The following SNX29 variants were observed in gnomAD, a reference collection of about 807,000 sequenced individuals.
SNX29 encodes the protein sorting nexin-29.
SNX29 carries 78 observed loss-of-function variants against 102.1 expected under a neutral mutation model. That is an observed-to-expected ratio of 0.76 (90% CI 0.64 to 0.92). The LOEUF (loss-of-function observed/expected upper bound fraction) is 0.92. SNX29 is among the 40% of genes least tolerant of loss of function. The pLI, the probability that SNX29 is intolerant of heterozygous loss-of-function variation, is 0.00. For synonymous variants in SNX29, 580 were observed against 414.5 expected, an observed-to-expected ratio of 1.40 and a Z score of -4.85; for missense variants, 1,280 against 1,061.7, an observed-to-expected ratio of 1.21 and a Z score of -2.86.
chr16:12,102,028 G>A (rs1159441936), intron 11 of SNX29, among the ~76,000 whole-genome samples: 1 of 152,042 alleles, frequency 6.6e-6, no homozygotes, highest in East Asian at 1.9e-4. Flanking sequence ...TTGGTCTTTT[G>A]TCCTTGTGAT....
chr16:11,990,371 C>A (rs1157958459), intron 1 of SNX29, among the ~76,000 whole-genome samples: 1 of 152,144 alleles, frequency 6.6e-6, no homozygotes, highest in African/African-American at 2.4e-5. Context: ...GAGAGGGGCA[C>A]CTGCTCTGTT....
chr16:12,550,133 G>A lies in SNX29; in HGVS notation c.2319-18373G>A, dbSNP rs145278607. ...AGGCTGATGTACACTCACATGTAAAGGGAATACCTTCCATACCGCATGTAG... is the reference window on the plus strand; with the variant it reads ...AGGCTGATGTACACTCACATGTAAAAGGAATACCTTCCATACCGCATGTAG... On this transcript the variant is annotated intron_variant, in intron 20 of 20. Transcript: ENST00000566228. 3.3e-5 allele frequency among the ~76,000 whole-genome samples: 5 copies of A among 152,298 alleles called. No homozygotes were observed. In the East Asian group the frequency reaches 9.6e-4, roughly 29 times the overall value.
intron 15 of SNX29, among the ~76,000 whole-genome samples, chr16:12,317,927 C>T (rs1411007929): frequency 6.6e-6 from 1 of 152,252 alleles, no homozygotes; most frequent in Non-Finnish European, 1.5e-5. Context: ...GTATCAGCAC[C>T]TGCCATTTCT....
At chr16:12,540,185 T>G (rs934739946) in intron 20 of SNX29, among the ~76,000 whole-genome samples, 1 of 152,216 alleles carries the variant, frequency 6.6e-6, no homozygotes, top group Non-Finnish European at 1.5e-5. Context: ...AGTGGACTTT[T>G]GTGTCAGGTC....
At chr16:12,518,795 C>G (rs187779451) in intron 19 of SNX29, among the ~76,000 whole-genome samples, 2 of 152,182 alleles carry the variant, frequency 1.3e-5, no homozygotes, top group African/African-American at 4.8e-5. Flanking sequence ...GCTACCCCAT[C>G]GCTGTCTTGC....
At chr16:12,377,340 G>A (rs1276667044) in intron 16 of SNX29, among the ~76,000 whole-genome samples, 2 of 152,196 alleles carry the variant, frequency 1.3e-5, no homozygotes, top group Non-Finnish European at 2.9e-5. Context: ...ACTGCTCTGT[G>A]TTGTCACCAT....
intron 19 of SNX29, among the ~76,000 whole-genome samples, chr16:12,500,535 T>G (rs2089066580): frequency 6.6e-6 from 1 of 152,268 alleles, no homozygotes. Context: ...GTGGTGAATA[T>G]TTTCATGCAT....
chr16:12,533,677 A>G (rs572307492), intron 20 of SNX29, among the ~76,000 whole-genome samples: 1 of 152,066 alleles, frequency 6.6e-6, no homozygotes. Flanking sequence ...AGGCACCCCA[A>G]ATTTACCTCT....
At chr16:12,559,260 G>A (rs900897283) in intron 20 of SNX29, among the ~76,000 whole-genome samples, 1 of 152,032 alleles carries the variant, frequency 6.6e-6, no homozygotes, top group African/African-American at 2.4e-5. Context: ...CCTGAGCTCT[G>A]CCTGTCAGAT....
intron 16 of SNX29, among the ~76,000 whole-genome samples, chr16:12,386,264 T>C (rs1277374118): frequency 6.6e-6 from 1 of 152,210 alleles, no homozygotes; most frequent in Non-Finnish European, 1.5e-5. Flanking sequence ...TTCCAGATAA[T>C]GATAGCCAAG....
At chr16:12,385,666 G>T (rs1364094081) in intron 16 of SNX29, among the ~76,000 whole-genome samples, 2 of 152,182 alleles carry the variant, frequency 1.3e-5, no homozygotes, top group Non-Finnish European at 2.9e-5. Context: ...AAATAAACAT[G>T]CAAACAAAGG....
chr16:12,224,953 T>C (rs2077572435), intron 14 of SNX29, among the ~76,000 whole-genome samples: 1 of 152,214 alleles, frequency 6.6e-6, no homozygotes, highest in Non-Finnish European at 1.5e-5. Context: ...GTGAAGACTC[T>C]TGGCTTCATA....
intron 15 of SNX29, among the ~76,000 whole-genome samples, chr16:12,336,837 G>A (rs1054685190): frequency 1.3e-5 from 2 of 152,060 alleles, no homozygotes; most frequent in African/African-American, 4.8e-5. Flanking sequence ...TCCCAGCTAC[G>A]CAGAAGGCTA....
chr16:12,557,124 G>C (rs960257823), intron 20 of SNX29, among the ~76,000 whole-genome samples: 1 of 151,362 alleles, frequency 6.6e-6, no homozygotes, highest in African/African-American at 2.4e-5. Flanking sequence ...GCTGAGATTA[G>C]ACACAGGAGT....
chr16:12,539,238 C>G (rs753608902), intron 20 of SNX29, among the ~76,000 whole-genome samples: 2 of 152,196 alleles, frequency 1.3e-5, no homozygotes, highest in Non-Finnish European at 2.9e-5. Flanking sequence ...AGTTCCTTCA[C>G]CCTAAAAAGC....
intron 20 of SNX29, among the ~76,000 whole-genome samples, chr16:12,553,716 C>T (rs1031401537): frequency 2.6e-5 from 4 of 151,542 alleles, no homozygotes; most frequent in South Asian, 2.1e-4. Flanking sequence ...GCCTACCACG[C>T]AGCTGGGATT....
At chr16:12,375,022 G>T (rs1278024110) in intron 16 of SNX29, 1 of 152,176 alleles carries the variant, frequency 6.6e-6, no homozygotes, top group Non-Finnish European at 1.5e-5. Flanking sequence ...CTCCAGACTA[G>T]CCTGGGCAAC....
rs931295383 is a variant in SNX29 at position 12,098,049 on chromosome 16, C to T, written c.1402+19134C>T. 6.6e-6 allele frequency among the ~76,000 whole-genome samples: 1 copy of T among 152,176 alleles called. No homozygotes were observed. The highest frequency in any genetic ancestry group is 2.4e-5 in the African/African-American group (1 of 41,438). On this transcript the variant is annotated intron_variant, in intron 11 of 20. Transcript: ENST00000566228. This position sits in a 1 kb window ranked among gnomAD's most constrained non-coding sequence, Gnocchi z 6.0. ...ATTTACTTTGTCCGTTTCCTTATTT[C>T]CAAAAGGAGGTGAATAGCACTTGCC...
intron 12 of SNX29, 31 bp downstream of exon 12, chr16:12,126,727 C>T: frequency 1.2e-6 from 2 of 1,611,740 alleles, no homozygotes; most frequent in Admixed American, 1.7e-5. Flanking sequence ...GAGGAATAGC[C>T]TCTTTCTTTG....
Sources: gnomAD v4.1 joint callset for allele counts (sites outside exome capture counted in the v4.1 genomes callset) on GRCh38, gnomAD v4.1.1 for gene constraint, Gnocchi (gnomAD v3.1) non-coding constraint, MANE v1.5 for transcripts, NCBI Gene and HGNC (gene_info 2026-07-23, HGNC 2026-07-21) for gene names.